RMDN1: variants seen among roughly 807,000 people sequenced by gnomAD.
RMDN1 encodes the protein regulator of microtubule dynamics protein 1.
A neutral mutation model predicts 48.9 loss-of-function variants in RMDN1; 48 were observed. The observed-to-expected ratio is 0.98, with a 90% CI of 0.78 to 1.25. The LOEUF (loss-of-function observed/expected upper bound fraction) is 1.25. RMDN1 is among the 50% of genes most tolerant of loss of function. The pLI is 0.00. For synonymous variants in RMDN1, 148 were observed against 132.6 expected (o/e 1.12, Z -0.80); for missense variants, 418 against 373.4 (o/e 1.12, Z -0.98).
upstream of RMDN1, among the ~76,000 whole-genome samples, chr8:86,511,812 C>A (rs1349641326): frequency 3.0e-5 from 1 of 33,008 alleles, no homozygotes; most frequent in Non-Finnish European, 6.7e-5. Flanking sequence ...AAGAACCTGT[C>A]TCTCAAAAAA....
At position 86,473,117 on chromosome 8, in the gene RMDN1, G is replaced by C; in HGVS notation, c.*1191C>G. On this transcript the variant is annotated 3_prime_UTR_variant, in exon 10 of 10. Coordinates refer to ENST00000406452, the MANE Select transcript of RMDN1 (RefSeq NM_016033.3). ...TATATAGCAAAATCACTGAATCTAA[G>C]AGATGGGTATACAAAGATCACTACT... The C allele has an allele frequency of 1.0e-6, 1 of 985,252 alleles. No individual in the cohort carries two copies. The highest frequency in any genetic ancestry group is 1.2e-6 in the Non-Finnish European group (1 of 829,802). 61.0% of individuals were successfully genotyped at this position (985,252 alleles called of 1,614,324 possible).
downstream of RMDN1, among the ~76,000 whole-genome samples, chr8:86,471,925 G>T (rs1348777950): frequency 6.6e-6 from 1 of 152,186 alleles, no homozygotes; most frequent in Non-Finnish European, 1.5e-5. Flanking sequence ...GGAAAGATTA[G>T]CAACAAATCA....
At chr8:86,502,159 C>T (rs1818347061) in intron 2 of RMDN1, among the ~76,000 whole-genome samples, 1 of 152,194 alleles carries the variant, frequency 6.6e-6, no homozygotes, top group Admixed American at 6.6e-5. Context: ...AAGCTTCACT[C>T]ATTAATTTCT....
chr8:86,501,243 T>TA (rs1450983600), intron 2 of RMDN1, among the ~76,000 whole-genome samples: 1 of 152,212 alleles, frequency 6.6e-6, no homozygotes, highest in Non-Finnish European at 1.5e-5. Context: ...TGGACTATGA[T>TA]AAAGCCAAAA....
At chr8:86,490,050 A>G (rs2130912645) in intron 2 of RMDN1, among the ~76,000 whole-genome samples, 1 of 152,290 alleles carries the variant, frequency 6.6e-6, no homozygotes, top group Middle Eastern at 3.4e-3. Context: ...TAGGTGTTAT[A>G]AAGTTTAATA....
In RMDN1 at chr8:86,473,904, C is replaced by T; in HGVS notation, c.*404G>A. 2.0e-6 allele frequency: 2 copies of T among 1,000,590 alleles called. No individual in the cohort carries two copies. The highest frequency in any genetic ancestry group is 1.2e-6 in the Non-Finnish European group (1 of 840,028). 62.0% of individuals were successfully genotyped at this position (1,000,590 alleles called of 1,614,324 possible). A position where few individuals can be genotyped will look rare whatever the true frequency, so the allele number is the denominator to read the frequency against. On this transcript the variant is annotated 3_prime_UTR_variant, in exon 10 of 10. Coordinates refer to ENST00000406452, the MANE Select transcript of RMDN1 (RefSeq NM_016033.3). Reference sequence around the variant, plus strand: ...AACATCCTAACCACTGTCACCACACCTTCTCTTCAAGATTTCAACTTAGAA... The same window carrying T: ...AACATCCTAACCACTGTCACCACACTTTCTCTTCAAGATTTCAACTTAGAA...
At chr8:86,480,392 C>T (rs1814169969) in intron 5 of RMDN1, 60 bp from the exon 6 acceptor site, 1 of 905,680 alleles carries the variant, frequency 1.1e-6, no homozygotes, top group Non-Finnish European at 1.6e-6. Context: ...AAGTGCTTTA[C>T]TGTGTTTGCT....
rs1222259074 is a variant in RMDN1 at position 86,472,695 on chromosome 8, G to A, written c.*1613C>T. On this transcript the variant is annotated 3_prime_UTR_variant, in exon 10 of 10. Coordinates refer to ENST00000406452, the MANE Select transcript of RMDN1 (RefSeq NM_016033.3). ...CCATCCTTGTTCCTGTGCGAGTTAT[G>A]TCATATTTTTTACTGTTAAGTACTT... The A allele has an allele frequency of 1.9e-6, 1 of 530,836 alleles. No individual in the cohort carries two copies. Among genetic ancestry groups the A allele is most frequent in the South Asian group, 2.9e-5 (1 of 34,968 alleles). The allele number at this position is 530,836 out of a possible 1,614,324, so 32.9% of individuals were successfully genotyped here. A position where few individuals can be genotyped will look rare whatever the true frequency, so the allele number is the denominator to read the frequency against.
Position 86,508,626 on chromosome 8 carries a change from GC to G in RMDN1, c.-7del. The G allele has an allele frequency of 6.3e-7, 1 of 1,598,220 alleles. No individual in the cohort carries two copies. Among genetic ancestry groups the G allele is most frequent in the Non-Finnish European group, 8.5e-7 (1 of 1,173,046 alleles). On this transcript the variant is annotated 5_prime_UTR_variant, in exon 1 of 10. Transcript: ENST00000406452. ...AGTCGAGCAGCCAGCGCCATGACCT[GC>G]AACTTGCGGGCTGACCCTGCACTAC...
chr8:86,498,727 G>A (rs555434751), intron 2 of RMDN1, among the ~76,000 whole-genome samples: 9 of 152,274 alleles, frequency 5.9e-5, no homozygotes, highest in Admixed American at 2.0e-4. Flanking sequence ...GTTGCAGTGA[G>A]CCAAGATTGC....
At chr8:86,478,315 A>G (rs988220236) in intron 7 of RMDN1, 1 of 152,072 alleles carries the variant, frequency 6.6e-6, no homozygotes, top group Non-Finnish European at 1.5e-5. Context: ...TCCCAGAAAG[A>G]AAAAAAAGCT....
chr8:86,494,210 C>T (rs1321820083), intron 2 of RMDN1, among the ~76,000 whole-genome samples: 2 of 152,146 alleles, frequency 1.3e-5, no homozygotes, highest in African/African-American at 2.4e-5. Context: ...TACAGAACTC[C>T]ACAGCTTAGC....
chr8:86,473,627 G>T lies in RMDN1; in HGVS notation c.*681C>A, dbSNP rs987651043. ...CCAAAAATACAAAAGTTAGCCGAGT[G>T]TGGTGGTACAACCCTGTAATCCCAG... On this transcript the variant is annotated 3_prime_UTR_variant, in exon 10 of 10. Transcript: ENST00000406452. The T allele has an allele frequency of 7.5e-5, 27 of 357,710 alleles. No homozygotes were observed. The highest frequency in any genetic ancestry group is 9.7e-5 in the Non-Finnish European group (25 of 256,652). 22.2% of individuals were successfully genotyped at this position (357,710 alleles called of 1,614,324 possible).
intron 2 of RMDN1, chr8:86,494,767 G>A: frequency 3.9e-6 from 1 of 257,474 alleles, no homozygotes; most frequent in Non-Finnish European, 7.8e-6. Flanking sequence ...GATCACTTGA[G>A]GTTCAATACC....
At position 86,473,297 on chromosome 8, in the gene RMDN1, TAAA is replaced by T. The variant is rs1405199774; in HGVS notation, c.*1008_*1010del. 1.0e-6 allele frequency: 1 copy of T among 985,316 alleles called. No individual in the cohort carries two copies. Among genetic ancestry groups the T allele is most frequent in the Non-Finnish European group, 1.2e-6 (1 of 829,948 alleles). 61.0% of individuals were successfully genotyped at this position (985,316 alleles called of 1,614,324 possible). On this transcript the variant is annotated 3_prime_UTR_variant, in exon 10 of 10. Transcript: ENST00000406452. ...TCAAGATGCTCCTTTTTACAAAACT[TAAA>T]AAGATTTTGCAGTGGTGGCACTCCA...
At chr8:86,480,174 T>G (rs1012720274) in intron 6 of RMDN1, 103 bp downstream of exon 6, 1 of 580,560 alleles carries the variant, frequency 1.7e-6, no homozygotes, top group Admixed American at 3.5e-5. Context: ...CAGATAATAT[T>G]TTAAAATATT....
chr8:86,481,690 T>G (rs1814487231), intron 5 of RMDN1: 2 of 458,476 alleles, frequency 4.4e-6, no homozygotes, highest in Non-Finnish European at 7.8e-6. Flanking sequence ...GGATTCTTGC[T>G]GGCCCCACCA....
downstream of RMDN1, chr8:86,470,134 A>G (rs1224889714): frequency 5.7e-5 from 73 of 1,274,378 alleles, no homozygotes; most frequent in South Asian, 1.1e-4. Flanking sequence ...CATATCCTCA[A>G]AAGGAAGGAA....
At chr8:86,495,654 G>A (rs1817218119) in intron 2 of RMDN1, among the ~76,000 whole-genome samples, 1 of 152,154 alleles carries the variant, frequency 6.6e-6, no homozygotes. Context: ...AGCCTCAGCT[G>A]TCCTGGTGAA....
Sources: gnomAD v4.1 joint callset for allele counts (sites outside exome capture counted in the v4.1 genomes callset) on GRCh38, gnomAD v4.1.1 for gene constraint, MANE v1.5 for transcripts, NCBI Gene and HGNC (gene_info 2026-07-23, HGNC 2026-07-21) for gene names.